Variants in TNRC6C observed in about 807,000 individuals in gnomAD.
TNRC6C encodes the protein trinucleotide repeat containing adaptor 6C, also known as trinucleotide repeat-containing gene 6C protein.
In TNRC6C, 20 loss-of-function variants were observed where a neutral mutation model predicts 153.7. That is an observed-to-expected ratio of 0.13 (90% CI 0.09 to 0.19). The LOEUF (loss-of-function observed/expected upper bound fraction) is 0.19. TNRC6C is among the 10% of genes least tolerant of loss of function. TNRC6C has a pLI of 1.00. For missense variants in TNRC6C, 1,987 were observed against 2,172.0 expected (o/e 0.91, Z 1.69); for synonymous variants, 811 against 841.4 (o/e 0.96, Z 0.63).
At chr17:77,960,214 T>G (rs1016379810) in intron 1 of TNRC6C, among the ~76,000 whole-genome samples, 5 of 152,220 alleles carry the variant, frequency 3.3e-5, no homozygotes, top group African/African-American at 1.2e-4. Flanking sequence ...GCTCGGTTAT[T>G]TCTAGGCGTG....
intron 1 of TNRC6C, among the ~76,000 whole-genome samples, chr17:77,976,573 G>A (rs933931880): frequency 6.6e-6 from 1 of 152,084 alleles, no homozygotes; most frequent in Non-Finnish European, 1.5e-5. Flanking sequence ...AGCTATTCAG[G>A]TAAAACTTTA....
intron 2 of TNRC6C, among the ~76,000 whole-genome samples, chr17:78,043,012 C>CT (rs1374094160): frequency 6.6e-6 from 1 of 152,104 alleles, no homozygotes; most frequent in Non-Finnish European, 1.5e-5. Flanking sequence ...GTAGTAGGTG[C>CT]TTTTCTCTTT....
At position 78,078,159 on chromosome 17, in the gene TNRC6C, C is replaced by T. The variant is rs139045780; in HGVS notation, c.3210+825C>T. On this transcript the variant is annotated intron_variant, in intron 9 of 19. Transcript: ENST00000301624. ...CCAGCGCCCGACTGTGTGATCCTGG[C>T]GATCTGACATTGCCCCCTTGGTGGT... Among the ~76,000 whole-genome samples the T allele has an allele frequency of 2.4e-3, 368 of 152,278 alleles. 3 individuals are homozygous for T. The highest frequency in any genetic ancestry group is 4.2e-3 in the Non-Finnish European group (286 of 68,014).
chr17:78,103,674 C>T, intron 19 of TNRC6C, 121 bp downstream of exon 22: 1 of 1,390,528 alleles, frequency 7.2e-7, no homozygotes, highest in Non-Finnish European at 9.7e-7. Flanking sequence ...GCTGGCCACC[C>T]TCCCACTTCT....
chr17:78,055,784 G>A (rs1380896595), intron 3 of TNRC6C, among the ~76,000 whole-genome samples: 1 of 152,084 alleles, frequency 6.6e-6, no homozygotes, highest in African/African-American at 2.4e-5. Context: ...CATTTTTATG[G>A]ATCACCTCAT....
At chr17:77,984,465 C>T (rs1453001214) in intron 1 of TNRC6C, among the ~76,000 whole-genome samples, 2 of 152,116 alleles carry the variant, frequency 1.3e-5, no homozygotes, top group African/African-American at 2.4e-5. Context: ...CTGCAGTGAG[C>T]TGTGGTTGCA....
chr17:78,097,750 TC>T, intron 16 of TNRC6C: 1 of 1,548,650 alleles, frequency 6.5e-7, no homozygotes. Flanking sequence ...TGCAGGGTCC[TC>T]CCCGCCATCA....
Position 78,049,795 on chromosome 17 carries a change from A to G in TNRC6C, c.733A>G (p.Ser245Gly). The G allele has an allele frequency of 6.2e-7, 1 of 1,603,278 alleles. No individual in the cohort carries two copies. The highest frequency in any genetic ancestry group is 8.5e-7 in the Non-Finnish European group (1 of 1,173,532). The change falls in exon 3 of 20, where the codon AGC (serine) becomes GGC (glycine). Residue 245 changes from serine (S) to glycine (G), a missense_variant. Transcript: ENST00000301624. The surrounding 1 kb of genome is among the most constrained non-coding windows in gnomAD (Gnocchi z 4.1). Reference sequence around the variant, plus strand: ...CAGTGGGGGCAGTGCTGAAGGAATAAGCAATTCTGTGTGGGGACTGTCCCC... The same window carrying G: ...CAGTGGGGGCAGTGCTGAAGGAATAGGCAATTCTGTGTGGGGACTGTCCCC...
At chr17:78,015,069 A>G (rs979039422) in intron 1 of TNRC6C, among the ~76,000 whole-genome samples, 4 of 152,232 alleles carry the variant, frequency 2.6e-5, no homozygotes, top group Non-Finnish European at 4.4e-5. Flanking sequence ...TTTGCAAACA[A>G]TCTTATATTT....
At chr17:78,106,714 A>G (rs1207947734) in exon 20 of TNRC6C, 1 of 152,022 alleles carries the variant, frequency 6.6e-6, no homozygotes, top group African/African-American at 2.4e-5. Context: ...AAAAATGATC[A>G]ATGTTTTGAT....
intron 14 of TNRC6C, among the ~76,000 whole-genome samples, chr17:78,092,399 A>G (rs1220612590): frequency 1.3e-5 from 2 of 152,206 alleles, no homozygotes; most frequent in Non-Finnish European, 2.9e-5. Flanking sequence ...GTTTCAGACT[A>G]AAAGGAGGGA....
exon 4 of TNRC6C, chr17:78,064,923 C>G: frequency 6.2e-7 from 1 of 1,609,956 alleles, no homozygotes; most frequent in Non-Finnish European, 8.5e-7. Context: ...GCTGCCTCAG[C>G]CCTGTGCAAA....
At chr17:78,090,200 T>C (rs1231486454) in intron 13 of TNRC6C, among the ~76,000 whole-genome samples, 1 of 152,194 alleles carries the variant, frequency 6.6e-6, no homozygotes, top group Non-Finnish European at 1.5e-5. Context: ...GGCTTCTGGC[T>C]TCTCTTAAAA....
intron 1 of TNRC6C, among the ~76,000 whole-genome samples, chr17:78,013,101 A>G (rs1023426888): frequency 1.3e-5 from 2 of 151,594 alleles, no homozygotes; most frequent in South Asian, 4.1e-4. Flanking sequence ...ACCCTTACCA[A>G]GCTATTCTAC....
chr17:78,047,040 C>A (rs1301881895), intron 2 of TNRC6C, among the ~76,000 whole-genome samples: 1 of 151,882 alleles, frequency 6.6e-6, no homozygotes, highest in African/African-American at 2.4e-5. Flanking sequence ...TTGTTAACCC[C>A]CTGCTTTCTC....
intron 11 of TNRC6C, among the ~76,000 whole-genome samples, chr17:78,085,873 A>G (rs1327296967): frequency 6.6e-6 from 1 of 151,694 alleles, no homozygotes; most frequent in Non-Finnish European, 1.5e-5. Flanking sequence ...GTTTGTATGA[A>G]TCAAGCAGAA....
At chr17:78,065,588 T>C (rs763447600) in intron 4 of TNRC6C, among the ~76,000 whole-genome samples, 1 of 152,194 alleles carries the variant, frequency 6.6e-6, no homozygotes, top group East Asian at 1.9e-4. Context: ...CTGAGCAAGA[T>C]AGATAAAACA....
At chr17:78,089,772 C>T (rs1358920667) in intron 13 of TNRC6C, among the ~76,000 whole-genome samples, 2 of 152,206 alleles carry the variant, frequency 1.3e-5, no homozygotes, top group East Asian at 3.8e-4. Context: ...TAGGATTAAG[C>T]TTGAACCTCA....
chr17:77,976,897 C>A (rs894203293), intron 1 of TNRC6C, among the ~76,000 whole-genome samples: 1 of 133,042 alleles, frequency 7.5e-6, no homozygotes, highest in African/African-American at 2.9e-5. Flanking sequence ...CCATTGCACT[C>A]CAGCTCAGGC....
Sources: allele counts gnomAD v4.1 joint callset (sites outside exome capture counted in the v4.1 genomes callset), GRCh38; gene constraint gnomAD v4.1.1; non-coding constraint Gnocchi (gnomAD v3.1); transcripts MANE v1.5; gene names NCBI Gene and HGNC (gene_info 2026-07-23, HGNC 2026-07-21).